Variants in GPR39 observed in about 807,000 individuals in gnomAD.
The protein encoded by GPR39 is zinc sensing receptor.
Under a neutral mutation model 18.4 loss-of-function variants are expected in GPR39, and 23 were observed. The ratio of observed to expected loss-of-function variants is 1.25; its 90% CI spans 0.90 to 1.77. The LOEUF (loss-of-function observed/expected upper bound fraction) is 1.77, where lower values mean the gene tolerates loss of function less well. Ranked by LOEUF, GPR39 falls within the 40% of genes most tolerant of loss-of-function variation. The pLI is 0.00. For missense variants in GPR39, 647 were observed against 602.4 expected (o/e 1.07, Z -0.78); for synonymous variants, 280 against 257.9 (o/e 1.09, Z -0.82).
chr2:132,639,447 AT>A (rs1681821614), intron 1 of GPR39, among the ~76,000 whole-genome samples: 1 of 152,258 alleles, frequency 6.6e-6, no homozygotes. Context: ...GGCTTCAATG[AT>A]TCCATAAAAT....
intron 1 of GPR39, among the ~76,000 whole-genome samples, chr2:132,644,145 AGTT>A (rs1398695746): frequency 6.6e-6 from 1 of 152,148 alleles, no homozygotes; most frequent in African/African-American, 2.4e-5. Flanking sequence ...CTGTGATTTC[AGTT>A]GTTTGTGGTC....
intron 1 of GPR39, among the ~76,000 whole-genome samples, chr2:132,514,748 C>G (rs1679302235): frequency 6.6e-6 from 1 of 152,172 alleles, no homozygotes; most frequent in Non-Finnish European, 1.5e-5. Context: ...TAAATAAATG[C>G]CAGAGAAATT....
At chr2:132,492,089 CATAT>C (rs773634330) in intron 1 of GPR39, among the ~76,000 whole-genome samples, 1 of 149,290 alleles carries the variant, frequency 6.7e-6, no homozygotes, top group Non-Finnish European at 1.5e-5. Flanking sequence ...ATACACACCA[CATAT>C]ATATATACAT....
At chr2:132,617,501 A>G (rs534525118) in intron 1 of GPR39, among the ~76,000 whole-genome samples, 1 of 152,268 alleles carries the variant, frequency 6.6e-6, no homozygotes, top group Non-Finnish European at 1.5e-5. Context: ...TCTTTCATAT[A>G]TTAATAACTT....
At chr2:132,625,935 A>G in intron 1 of GPR39, among the ~76,000 whole-genome samples, 1 of 152,062 alleles carries the variant, frequency 6.6e-6, no homozygotes. Context: ...CCCTGTCTCT[A>G]GTAAAAATAC....
chr2:132,514,491 TC>T (rs1002599796), intron 1 of GPR39, among the ~76,000 whole-genome samples: 4 of 152,132 alleles, frequency 2.6e-5, no homozygotes, highest in Admixed American at 2.6e-4. Context: ...ACCTCACCCC[TC>T]CTTGAGGTGT....
At chr2:132,564,796 TTTTTTTC>T (rs1304518498) in intron 1 of GPR39, among the ~76,000 whole-genome samples, 7 of 144,074 alleles carry the variant, frequency 4.9e-5, no homozygotes, top group Non-Finnish European at 9.1e-5. Context: ...TTAATAACTA[TTTTTTTC>T]TTTTTTCTTT....
intron 1 of GPR39, among the ~76,000 whole-genome samples, chr2:132,594,433 A>G (rs1446735743): frequency 6.6e-6 from 1 of 151,762 alleles, no homozygotes; most frequent in Non-Finnish European, 1.5e-5. Context: ...ATGTTAAAGG[A>G]TCCTAGAGCA....
At chr2:132,529,827 G>A (rs1378248151) in intron 1 of GPR39, among the ~76,000 whole-genome samples, 2 of 151,896 alleles carry the variant, frequency 1.3e-5, no homozygotes, top group Non-Finnish European at 2.9e-5. Flanking sequence ...AAACAGAAAG[G>A]ACATCCACAC....
chr2:132,619,016 T>C (rs1022231107), intron 1 of GPR39, among the ~76,000 whole-genome samples: 1 of 152,174 alleles, frequency 6.6e-6, no homozygotes, highest in Non-Finnish European at 1.5e-5. Flanking sequence ...ACGGACCCAG[T>C]AGCACCAGGC....
intron 1 of GPR39, among the ~76,000 whole-genome samples, chr2:132,608,561 A>G (rs1278961548): frequency 6.6e-6 from 1 of 152,210 alleles, no homozygotes; most frequent in African/African-American, 2.4e-5. Context: ...GCCGTGTCAC[A>G]GGCTGGCAAG....
intron 1 of GPR39, among the ~76,000 whole-genome samples, chr2:132,466,123 G>A (rs142530555): frequency 4.8e-4 from 73 of 152,276 alleles, no homozygotes; most frequent in South Asian, 1.2e-3. Flanking sequence ...GAGCTTGGCT[G>A]TCTCTGAGCA....
intron 1 of GPR39, among the ~76,000 whole-genome samples, chr2:132,600,556 A>T (rs1681022176): frequency 6.6e-6 from 1 of 152,158 alleles, no homozygotes; most frequent in Non-Finnish European, 1.5e-5. Context: ...AATACAAGGG[A>T]TCATTAAAGA....
chr2:132,572,284 C>T (rs1006852275), intron 1 of GPR39, among the ~76,000 whole-genome samples: 2 of 152,172 alleles, frequency 1.3e-5, no homozygotes, highest in Non-Finnish European at 2.9e-5. Context: ...GTCATATGGG[C>T]TACCTATTTT....
At chr2:132,546,861 AAAAAG>A (rs1197517330) in intron 1 of GPR39, among the ~76,000 whole-genome samples, 1 of 148,166 alleles carries the variant, frequency 6.7e-6, no homozygotes, top group African/African-American at 2.5e-5. Flanking sequence ...AAAAAAAAAA[AAAAAG>A]AGGCATCATA....
At chr2:132,432,633 C>T (rs1239215822) in intron 1 of GPR39, among the ~76,000 whole-genome samples, 1 of 152,098 alleles carries the variant, frequency 6.6e-6, no homozygotes, top group Non-Finnish European at 1.5e-5. Context: ...GAGATTAGGA[C>T]CTGGTATTCT....
intron 1 of GPR39, among the ~76,000 whole-genome samples, chr2:132,421,312 G>T (rs553387126): frequency 1.7e-4 from 26 of 152,150 alleles, no homozygotes; most frequent in Non-Finnish European, 3.8e-4. Context: ...ACTCAAAGTG[G>T]AATGACAAAG....
chr2:132,632,733 C>G (rs542616252), intron 1 of GPR39, among the ~76,000 whole-genome samples: 7 of 152,236 alleles, frequency 4.6e-5, no homozygotes, highest in African/African-American at 1.7e-4. Flanking sequence ...TTTAAATAAG[C>G]AAGTGCAAGT....
chr2:132,558,302 G>A (rs1004381191), intron 1 of GPR39, among the ~76,000 whole-genome samples: 1 of 151,946 alleles, frequency 6.6e-6, no homozygotes, highest in Non-Finnish European at 1.5e-5. Context: ...AAATGAGAAT[G>A]TGTGAAAAGT....
Sources: allele counts gnomAD v4.1 joint callset (sites outside exome capture counted in the v4.1 genomes callset), GRCh38; gene constraint gnomAD v4.1.1; transcripts MANE v1.5; gene names NCBI Gene and HGNC (gene_info 2026-07-23, HGNC 2026-07-21).